Variants in TACC2 observed in about 807,000 individuals in gnomAD.
The protein encoded by TACC2 is transforming acidic coiled-coil containing protein 2, also known as transforming acidic coiled-coil-containing protein 2.
TACC2 carries 137 observed loss-of-function variants against 227.3 expected under a neutral mutation model. That is an observed-to-expected ratio of 0.60 (90% CI 0.52 to 0.69). The LOEUF (loss-of-function observed/expected upper bound fraction) is 0.69. Ranked by LOEUF, TACC2 falls within the 30% of genes least tolerant of loss-of-function variation. The pLI is 0.00. For missense variants in TACC2, 3,470 were observed against 3,694.4 expected (o/e 0.94, Z 1.57); for synonymous variants, 1,523 against 1,487.5 (o/e 1.02, Z -0.55).
intron 1 of TACC2, among the ~76,000 whole-genome samples, chr10:122,001,735 T>G (rs2135094474): frequency 6.6e-6 from 1 of 152,330 alleles, no homozygotes; most frequent in South Asian, 2.1e-4. Flanking sequence ...TTGCTTTTGG[T>G]TGATATGTCT....
chr10:122,229,985 A>C (rs972557675), intron 15 of TACC2, among the ~76,000 whole-genome samples: 1 of 152,206 alleles, frequency 6.6e-6, no homozygotes, highest in Non-Finnish European at 1.5e-5. Context: ...AGAGATTGTT[A>C]ACAGCCATCT....
At chr10:122,104,870 T>TC (rs2082571782) in intron 5 of TACC2, among the ~76,000 whole-genome samples, 1 of 152,244 alleles carries the variant, frequency 6.6e-6, no homozygotes, top group South Asian at 2.1e-4. Context: ...CCTTACCTCT[T>TC]CCAACGCTGG....
chr10:122,248,867 G>A (rs2141909588), intron 20 of TACC2, 64 bp downstream of exon 20: 1 of 1,599,730 alleles, frequency 6.3e-7, no homozygotes, highest in South Asian at 1.1e-5. Flanking sequence ...TGGGAGCACT[G>A]GGAGGGGGTA....
At chr10:122,158,664 C>A (rs1309067977) in intron 7 of TACC2, among the ~76,000 whole-genome samples, 3 of 152,062 alleles carry the variant, frequency 2.0e-5, no homozygotes, top group Admixed American at 6.6e-5. Context: ...ATAGATCAGC[C>A]CTTTGCAAGG....
In TACC2 at chr10:122,083,359, G is replaced by A. The variant is rs2079756590; in HGVS notation, c.859G>A (p.Asp287Asn). The change falls in exon 4 of 23, where the codon GAC (aspartate) becomes AAC (asparagine). Residue 287 changes from aspartate (D) to asparagine (N), a missense_variant. This residue lies in a region of TACC2 where 405 missense variants were observed against 389.6 expected (regional missense o/e 1.04). Coordinates refer to ENST00000369005, the MANE Select transcript of TACC2 (RefSeq NM_206862.4). ...IPQDPAPRASDRERGQGEAPP... is the reference protein window; with the variant it reads ...IPQDPAPRASNRERGQGEAPP... Reference sequence around the variant, plus strand: ...ACAAGATCCAGCCCCAAGAGCCTCAGACAGAGAAAGAGGCCAAGGGGAGGC... The same window carrying A: ...ACAAGATCCAGCCCCAAGAGCCTCAAACAGAGAAAGAGGCCAAGGGGAGGC... 1.2e-6 allele frequency: 2 copies of A among 1,613,874 alleles called. No homozygotes were observed. Among genetic ancestry groups the A allele is most frequent in the Admixed American group, 1.7e-5 (1 of 59,990 alleles).
chr10:122,078,195 C>CAAA (rs1175837364), intron 3 of TACC2, among the ~76,000 whole-genome samples: 5 of 37,674 alleles, frequency 1.3e-4, no homozygotes, highest in African/African-American at 3.2e-4. Flanking sequence ...ACTCCATCTC[C>CAAA]AAAAAAAAAA....
chr10:122,183,217 AAAAC>A (rs1241869955), intron 7 of TACC2, among the ~76,000 whole-genome samples: 2 of 151,516 alleles, frequency 1.3e-5, no homozygotes, highest in Non-Finnish European at 2.9e-5. Context: ...AAAAAACAAA[AAAAC>A]AAACAAAAAA....
chr10:122,134,120 A>G (rs2138912547), intron 6 of TACC2, among the ~76,000 whole-genome samples: 1 of 152,088 alleles, frequency 6.6e-6, no homozygotes, highest in East Asian at 1.9e-4. Context: ...CAGCCATGCA[A>G]TGATGTGGAA....
chr10:122,201,745 CAG>C lies in TACC2; in HGVS notation c.5971+6570_5971+6571del, dbSNP rs534878971. On this transcript the variant is annotated intron_variant, in intron 8 of 22. Coordinates refer to ENST00000369005, the MANE Select transcript of TACC2 (RefSeq NM_206862.4). ...TCAGCCCATTATCCTCCCGGGAAGA[CAG>C]GGGTATAACCAAGCACCGCAGGTGT... Among the ~76,000 whole-genome samples the C allele has an allele frequency of 9.5e-4, 145 of 152,310 alleles. 1 individual carries two copies. The highest frequency in any genetic ancestry group is 2.4e-4 in the Non-Finnish European group (16 of 68,030).
intron 11 of TACC2, among the ~76,000 whole-genome samples, chr10:122,217,087 C>T (rs1202295027): frequency 1.3e-5 from 2 of 152,192 alleles, no homozygotes; most frequent in Non-Finnish European, 2.9e-5. Context: ...AGGACTCCAT[C>T]GAGTGGGTCC....
chr10:122,036,350 G>A (rs1244881078), intron 2 of TACC2, among the ~76,000 whole-genome samples: 6 of 149,570 alleles, frequency 4.0e-5, no homozygotes, highest in Admixed American at 1.3e-4. Flanking sequence ...CTGCCACCAC[G>A]CCCGGCTAAT....
intron 5 of TACC2, among the ~76,000 whole-genome samples, chr10:122,097,275 G>C (rs890898802): frequency 1.6e-4 from 25 of 152,200 alleles, no homozygotes; most frequent in African/African-American, 5.5e-4. Context: ...GCTGCAGTGA[G>C]CCAAGGTCAT....
chr10:121,997,458 G>A (rs2134971403), intron 1 of TACC2, among the ~76,000 whole-genome samples: 1 of 152,296 alleles, frequency 6.6e-6, no homozygotes, highest in East Asian at 1.9e-4. Flanking sequence ...TATCTAAAGA[G>A]AAAATCTGAT....
chr10:122,061,285 C>CAAA (rs58324245), intron 3 of TACC2, among the ~76,000 whole-genome samples: 2,012 of 83,944 alleles, frequency 0.024, 88 homozygotes, highest in Middle Eastern at 0.039. Flanking sequence ...CACTCCGTCT[C>CAAA]AAAAAAAAAA....
intron 5 of TACC2, among the ~76,000 whole-genome samples, chr10:122,102,380 A>G (rs943363015): frequency 2.0e-5 from 3 of 152,214 alleles, no homozygotes; most frequent in Non-Finnish European, 4.4e-5. Context: ...TCTTTGTTGC[A>G]GCATAAGACA....
At chr10:122,097,765 A>G (rs1484405479) in intron 5 of TACC2, among the ~76,000 whole-genome samples, 2 of 152,114 alleles carry the variant, frequency 1.3e-5, no homozygotes, top group Non-Finnish European at 1.5e-5. Context: ...GGAGGGTTAC[A>G]GTGGGGAGAA....
intron 5 of TACC2, among the ~76,000 whole-genome samples, chr10:122,124,725 C>G (rs948579094): frequency 2.0e-5 from 3 of 152,204 alleles, no homozygotes; most frequent in African/African-American, 4.8e-5. Flanking sequence ...GAGTACAATT[C>G]CTGATTTACA....
chr10:122,066,434 A>G (rs1309251642), intron 3 of TACC2, among the ~76,000 whole-genome samples: 2 of 151,998 alleles, frequency 1.3e-5, no homozygotes, highest in African/African-American at 4.8e-5. Flanking sequence ...ACACCCAGCT[A>G]ATTTTTGTAT....
intron 3 of TACC2, among the ~76,000 whole-genome samples, chr10:122,079,307 CTT>C (rs2079182795): frequency 6.6e-6 from 1 of 152,176 alleles, no homozygotes; most frequent in South Asian, 2.1e-4. Context: ...GGCCAAGACA[CTT>C]TATCCAAACC....
Sources: gnomAD v4.1 joint callset for allele counts (sites outside exome capture counted in the v4.1 genomes callset) on GRCh38, gnomAD v4.1.1 for gene constraint, gnomAD v4.1.1 regional missense constraint, MANE v1.5 for transcripts, NCBI Gene and HGNC (gene_info 2026-07-23, HGNC 2026-07-21) for gene names.